CHST11: variants seen among roughly 807,000 people sequenced by gnomAD.
CHST11 encodes C4S-1.
A neutral mutation model predicts 30.4 loss-of-function variants in CHST11; 9 were observed. That is an observed-to-expected ratio of 0.30 (90% CI 0.18 to 0.52). The LOEUF (loss-of-function observed/expected upper bound fraction) is 0.52, where lower values mean the gene tolerates loss of function less well. CHST11 is among the 20% of genes least tolerant of loss of function. CHST11 has a pLI of 0.97. For missense variants in CHST11, 348 were observed against 460.6 expected (o/e 0.76, Z 2.24); for synonymous variants, 152 against 187.8 (o/e 0.81, Z 1.56).
At chr12:104,660,456 T>A (rs920779004) in intron 2 of CHST11, among the ~76,000 whole-genome samples, 5 of 152,226 alleles carry the variant, frequency 3.3e-5, no homozygotes, top group Admixed American at 2.6e-4. Flanking sequence ...ATGGCTATGG[T>A]AGTTTCTTCT....
chr12:104,549,734 C>T (rs1240551973), intron 1 of CHST11, among the ~76,000 whole-genome samples: 1 of 152,044 alleles, frequency 6.6e-6, no homozygotes, highest in African/African-American at 2.4e-5. Context: ...AGAGAGAGCC[C>T]CGCCACTCAA....
In CHST11 at chr12:104,458,260, C is replaced by G. The variant is rs2037374706; in HGVS notation, c.118+731C>G. Among the ~76,000 whole-genome samples, 1 of 152,188 alleles carries G rather than the reference C, an allele frequency of 6.6e-6. No individual in the cohort carries two copies. Among genetic ancestry groups the G allele is most frequent in the South Asian group, 2.1e-4 (1 of 4,836 alleles). ...AGCCCTGAGCTGGAAACTCCGAGCT[C>G]CTGGGTCACGCCTTGACCACTGCAG... On this transcript the variant is annotated intron_variant, in intron 1 of 2. Transcript: ENST00000303694. The surrounding 1 kb of genome is among the most constrained non-coding windows in gnomAD (Gnocchi z 5.7).
intron 1 of CHST11, among the ~76,000 whole-genome samples, chr12:104,561,174 CCA>C (rs2038510089): frequency 1.3e-5 from 2 of 151,850 alleles, no homozygotes; most frequent in Non-Finnish European, 2.9e-5. Flanking sequence ...TCCATGGCAA[CCA>C]GATAGCAATG....
At chr12:104,511,662 A>G (rs1443841721) in intron 1 of CHST11, among the ~76,000 whole-genome samples, 1 of 152,178 alleles carries the variant, frequency 6.6e-6, no homozygotes, top group Non-Finnish European at 1.5e-5. Context: ...ATGGAAGGGA[A>G]TGACCTTGGG....
Position 104,458,360 on chromosome 12 carries a change from G to C in CHST11, c.118+831G>C, listed in dbSNP as rs955906144. 2.0e-4 allele frequency among the ~76,000 whole-genome samples: 31 copies of C among 152,340 alleles called. 2 individuals are homozygous for C. The highest frequency in any genetic ancestry group is 1.1e-3 in the Admixed American group (17 of 15,304). On this transcript the variant is annotated intron_variant, in intron 1 of 2. Transcript: ENST00000303694. This position sits in a 1 kb window ranked among gnomAD's most constrained non-coding sequence, Gnocchi z 5.7. ...CCCCACTTCTGGGATCCGAGCAACG[G>C]GAATCCCCCGGGCGGCGTGGGAATG...
At chr12:104,536,249 CTA>C (rs892285358) in intron 1 of CHST11, among the ~76,000 whole-genome samples, 23 of 152,212 alleles carry the variant, frequency 1.5e-4, no homozygotes, top group African/African-American at 5.5e-4. Flanking sequence ...TCAAGACAAA[CTA>C]TGACCACTTA....
intron 1 of CHST11, 135 bp downstream of exon 1, chr12:104,457,664 C>T: frequency 2.8e-6 from 2 of 719,932 alleles, no homozygotes; most frequent in Non-Finnish European, 2.5e-6. Flanking sequence ...CTGCCCAGAG[C>T]TCCTGGCTGC....
At chr12:104,604,419 T>C (rs776640930) in intron 2 of CHST11, among the ~76,000 whole-genome samples, 9 of 152,172 alleles carry the variant, frequency 5.9e-5, no homozygotes, top group Non-Finnish European at 1.5e-5. Flanking sequence ...TGTTTTTTCT[T>C]AGGCTGGTTT....
chr12:104,475,688 A>ATATATATATATATATAT (rs1555226434), intron 1 of CHST11, among the ~76,000 whole-genome samples: 90 of 78,428 alleles, frequency 1.1e-3, no homozygotes, highest in South Asian at 2.1e-3. Context: ...ATATATATAT[A>ATATATATATATATATAT]TATTTCTGAT....
At chr12:104,532,320 A>G (rs1192027968) in intron 1 of CHST11, among the ~76,000 whole-genome samples, 1 of 136,072 alleles carries the variant, frequency 7.3e-6, no homozygotes, top group African/African-American at 2.8e-5. Flanking sequence ...GATGATTCCC[A>G]CCCCCACCCC....
rs575122604 is a variant in CHST11 at position 104,658,639 on chromosome 12, G to A, written c.204+56648G>A. Among the ~76,000 whole-genome samples the A allele has an allele frequency of 3.9e-5, 6 of 152,214 alleles. No homozygotes were observed. In the East Asian group the frequency reaches 9.7e-4, roughly 25 times the overall value. Reference sequence around the variant, plus strand: ...GACCGTAACTCTGGCACTTCCTAGCGCCTTGATGATTGGCTTTTCTCCTAC... The same window carrying A: ...GACCGTAACTCTGGCACTTCCTAGCACCTTGATGATTGGCTTTTCTCCTAC... On this transcript the variant is annotated intron_variant, in intron 2 of 2. Coordinates refer to ENST00000303694, the MANE Select transcript of CHST11 (RefSeq NM_018413.6).
At chr12:104,531,588 T>C (rs1413881485) in intron 1 of CHST11, among the ~76,000 whole-genome samples, 1 of 152,180 alleles carries the variant, frequency 6.6e-6, no homozygotes, top group Non-Finnish European at 1.5e-5. Context: ...CCTCATTCTT[T>C]CTTCTTTTCA....
At chr12:104,645,417 G>A (rs746433381) in intron 2 of CHST11, among the ~76,000 whole-genome samples, 2 of 152,196 alleles carry the variant, frequency 1.3e-5, no homozygotes, top group Non-Finnish European at 2.9e-5. Flanking sequence ...AGAGCCAGGG[G>A]GCTGGGCCAG....
intron 1 of CHST11, among the ~76,000 whole-genome samples, chr12:104,487,859 A>G (rs139229234): frequency 0.012 from 1,608 of 137,914 alleles, 18 homozygotes; most frequent in Non-Finnish European, 0.018. Context: ...TTTTTTCTCT[A>G]TTTTTTTTTC....
rs117308852 is a variant in CHST11, at chr12:104,667,570, T to G, written c.204+65579T>G. Among the ~76,000 whole-genome samples, 938 of 152,272 alleles carry G rather than the reference T, an allele frequency of 6.2e-3. 36 individuals are homozygous for G. The East Asian group carries it at 0.12, about 19-fold the overall frequency. On this transcript the variant is annotated intron_variant, in intron 2 of 2. Transcript: ENST00000303694. ...ACACAGGATGGTTTTAGACGAGTGGTCCTAACTTTTTCATCTGCATTTCCA... is the reference window on the plus strand; with the variant it reads ...ACACAGGATGGTTTTAGACGAGTGGGCCTAACTTTTTCATCTGCATTTCCA...
At chr12:104,616,948 A>C (rs2039113768) in intron 2 of CHST11, among the ~76,000 whole-genome samples, 2 of 152,170 alleles carry the variant, frequency 1.3e-5, no homozygotes. Context: ...CTCTCTTGGA[A>C]GGTAGCATGC....
In CHST11 at chr12:104,758,701, A is replaced by C. The variant is rs2040499989; in HGVS notation, c.*898A>C. 3 of 152,312 alleles carry C rather than the reference A, an allele frequency of 2.0e-5. No homozygotes were observed. The South Asian group carries it at 6.2e-4, about 32-fold the overall frequency. 9.4% of individuals were successfully genotyped at this position (152,312 alleles called of 1,614,324 possible). The stretch of plus-strand genomic sequence containing the variant: ...TGATATTATTCATGGACTTGACATG[A>C]GGTTTGGACTATTCATGAGCAACAG... On this transcript the variant is annotated 3_prime_UTR_variant, in exon 3 of 3. Transcript: ENST00000303694.
Position 104,458,559 on chromosome 12 carries a change from C to T in CHST11, c.118+1030C>T, listed in dbSNP as rs2037378268. On this transcript the variant is annotated intron_variant, in intron 1 of 2. Transcript: ENST00000303694. The surrounding 1 kb of genome is among the most constrained non-coding windows in gnomAD (Gnocchi z 5.7). ...GGGGTGAGCAGCTCGGCTGCGAAGCCCAACAGGTAGAACGTTCCGAGAAGC... is the reference window on the plus strand; with the variant it reads ...GGGGTGAGCAGCTCGGCTGCGAAGCTCAACAGGTAGAACGTTCCGAGAAGC... 6.6e-6 allele frequency among the ~76,000 whole-genome samples: 1 copy of T among 152,224 alleles called. No homozygotes were observed. The highest frequency in any genetic ancestry group is 1.5e-5 in the Non-Finnish European group (1 of 68,032).
At chr12:104,733,675 A>G (rs2040274558) in intron 2 of CHST11, among the ~76,000 whole-genome samples, 1 of 152,234 alleles carries the variant, frequency 6.6e-6, no homozygotes, top group Non-Finnish European at 1.5e-5. Flanking sequence ...TACTATCCCT[A>G]CCTTATAGAT....
Sources: gnomAD v4.1 joint callset for allele counts (sites outside exome capture counted in the v4.1 genomes callset) on GRCh38, gnomAD v4.1.1 for gene constraint, Gnocchi (gnomAD v3.1) non-coding constraint, MANE v1.5 for transcripts, NCBI Gene and HGNC (gene_info 2026-07-23, HGNC 2026-07-21) for gene names.